Variants in PTPN14 observed in about 807,000 individuals in gnomAD.
PTPN14 encodes tyrosine-protein phosphatase non-receptor type 14.
In PTPN14, 53 loss-of-function variants were observed where a neutral mutation model predicts 126.8. The ratio of observed to expected loss-of-function variants is 0.42; its 90% confidence interval spans 0.34 to 0.53. The LOEUF is 0.53. Ranked by LOEUF, PTPN14 falls within the 20% of genes least tolerant of loss-of-function variation. The pLI is 0.08. For synonymous variants in PTPN14, 630 were observed against 599.3 expected, an observed-to-expected ratio of 1.05 and a Z score of -0.75; for missense variants, 1,257 against 1,552.9, an observed-to-expected ratio of 0.81 and a Z score of 3.20.
At chr1:214,470,350 T>C (rs572133861) in intron 1 of PTPN14, among the ~76,000 whole-genome samples, 1 of 152,226 alleles carries the variant, frequency 6.6e-6, no homozygotes, top group East Asian at 1.9e-4. Context: ...ATACTGTGAT[T>C]TTTTTCTAAT....
intron 1 of PTPN14, among the ~76,000 whole-genome samples, chr1:214,502,921 A>G (rs1654743380): frequency 6.6e-6 from 1 of 152,170 alleles, no homozygotes. Context: ...AATTAAGTGA[A>G]AAGTTGCTCA....
Position 214,523,205 on chromosome 1 carries a change from C to T in PTPN14, c.-155+27978G>A, listed in dbSNP as rs1389783524. On this transcript the variant is annotated intron_variant, in intron 1 of 18. Transcript: ENST00000366956. ...CCTGGCATCCCGAGGTCAACACAGTCTCTCGCAGAAACACATCCACTTCCC... is the reference window on the plus strand; with the variant it reads ...CCTGGCATCCCGAGGTCAACACAGTTTCTCGCAGAAACACATCCACTTCCC... Among the ~76,000 whole-genome samples, 3 of 152,260 alleles carry T rather than the reference C, an allele frequency of 2.0e-5. No individual in the cohort carries two copies. In the East Asian group the frequency reaches 5.8e-4, roughly 29 times the overall value.
chr1:214,460,559 C>G (rs1397981255), intron 2 of PTPN14, among the ~76,000 whole-genome samples: 1 of 93,874 alleles, frequency 1.1e-5, no homozygotes, highest in Admixed American at 1.0e-4. Context: ...ACACACAGAT[C>G]AGTGCAAACT....
chr1:214,378,143 T>C (rs768979811), intron 13 of PTPN14, 41 bp from the exon 14 acceptor site: 13 of 1,564,804 alleles, frequency 8.3e-6, no homozygotes, highest in South Asian at 1.2e-5. Flanking sequence ...TTTATAATAC[T>C]AGTAGAATGT....
At chr1:214,369,774 A>C in intron 16 of PTPN14, 83 bp from the exon 17 acceptor site, 1 of 1,248,004 alleles carries the variant, frequency 8.0e-7, no homozygotes, top group Non-Finnish European at 1.2e-6. Context: ...AGACAGAAGA[A>C]AATGCAAATA....
At position 214,357,814 on chromosome 1, in the gene PTPN14, T is replaced by G. The variant is rs888927631; in HGVS notation, c.*108A>C. On this transcript the variant is annotated 3_prime_UTR_variant, in exon 19 of 19. Transcript: ENST00000366956. ...GGCTACTGTCTTCAGAGAGCCTGTTTGCTGCCAGCCACCTGCACCCCTGTG... is the reference window on the plus strand; with the variant it reads ...GGCTACTGTCTTCAGAGAGCCTGTTGGCTGCCAGCCACCTGCACCCCTGTG... 1 of 881,780 alleles carries G rather than the reference T, an allele frequency of 1.1e-6. No homozygotes were observed. The highest frequency in any genetic ancestry group is 2.5e-5 in the Admixed American group (1 of 40,060). 54.6% of individuals were successfully genotyped at this position (881,780 alleles called of 1,614,324 possible).
chr1:214,533,534 TA>T (rs566782675), intron 1 of PTPN14: 26,109 of 208,108 alleles, frequency 0.13, 37 homozygotes, highest in South Asian at 0.2. Flanking sequence ...GCGGTTTAAA[TA>T]AAAAAAAAAA....
intron 1 of PTPN14, among the ~76,000 whole-genome samples, chr1:214,500,187 T>C (rs1654647275): frequency 6.6e-6 from 1 of 152,030 alleles, no homozygotes; most frequent in African/African-American, 2.4e-5. Context: ...TTCCCCCAAA[T>C]ATGTAAGACA....
chr1:214,365,936 G>A (rs554542792), intron 17 of PTPN14, among the ~76,000 whole-genome samples: 5 of 152,232 alleles, frequency 3.3e-5, no homozygotes, highest in African/African-American at 1.2e-4. Context: ...AGGCTGAGGT[G>A]GGCGGATCAC....
intron 6 of PTPN14, among the ~76,000 whole-genome samples, chr1:214,402,394 C>A (rs185084819): frequency 7.4e-6 from 1 of 134,972 alleles, no homozygotes; most frequent in Non-Finnish European, 1.5e-5. Flanking sequence ...GGACCGAGAT[C>A]GCACCACTGC....
intron 3 of PTPN14, 151 bp downstream of exon 3, chr1:214,451,654 G>A (rs1660274507): frequency 1.1e-6 from 1 of 907,110 alleles, no homozygotes; most frequent in Non-Finnish European, 1.6e-6. Context: ...AAAGCAATGA[G>A]TAAACAACCC....
At chr1:214,417,339 T>C (rs6702991) in intron 3 of PTPN14, among the ~76,000 whole-genome samples, 1,857 of 152,242 alleles carry the variant, frequency 0.012, 48 homozygotes, top group African/African-American at 0.042. Flanking sequence ...AAAAAAGGCG[T>C]CCTAATAATC....
At chr1:214,412,338 T>C (rs1370325124) in intron 4 of PTPN14, among the ~76,000 whole-genome samples, 1 of 152,216 alleles carries the variant, frequency 6.6e-6, no homozygotes, top group African/African-American at 2.4e-5. Context: ...TCTTGCTTGC[T>C]CTCCTAAAAA....
chr1:214,440,049 T>G (rs1558103204), intron 3 of PTPN14, among the ~76,000 whole-genome samples: 1 of 152,100 alleles, frequency 6.6e-6, no homozygotes, highest in Non-Finnish European at 1.5e-5. Context: ...GAGGGGAGGA[T>G]TGGCAAAGAC....
chr1:214,364,762 G>GGTGTGTGTGTGTGTGT lies in PTPN14; in HGVS notation c.3272-88_3272-87insACACACACACACACAC. The stretch of plus-strand genomic sequence containing the variant: ...GAGGGGGGAGCGGAAGAGAACTGAT[G>GGTGTGTGTGTGTGTGT]GTGAGTGTGTGTGTGTGTGTGTGTG... On this transcript the variant is annotated intron_variant, in intron 17 of 18. Coordinates refer to ENST00000366956, the MANE Select transcript of PTPN14 (RefSeq NM_005401.5). This position sits in a 1 kb window ranked among gnomAD's most constrained non-coding sequence, Gnocchi z 4.1. The GGTGTGTGTGTGTGTGT allele has an allele frequency of 1.4e-6, 1 of 714,528 alleles. No homozygotes were observed. The highest frequency in any genetic ancestry group is 2.0e-6 in the Non-Finnish European group (1 of 494,632). 44.3% of individuals were successfully genotyped at this position (714,528 alleles called of 1,614,324 possible).
chr1:214,473,383 C>T (rs1292296228), intron 1 of PTPN14, among the ~76,000 whole-genome samples: 2 of 152,222 alleles, frequency 1.3e-5, no homozygotes, highest in Non-Finnish European at 2.9e-5. Flanking sequence ...AGTTCAAATC[C>T]AAATCCTAAA....
chr1:214,401,803 TG>T, intron 6 of PTPN14, 31 bp from the exon 7 acceptor site: 3 of 1,511,428 alleles, frequency 2.0e-6, no homozygotes, highest in Non-Finnish European at 1.8e-6. Context: ...AAGGAAGAAA[TG>T]GTTAAGGGCA....
rs66656875 is a variant in PTPN14 at position 214,426,032 on chromosome 1, CAAAAAAA to C, written c.345-11313_345-11307del. ...TTTCTACAATCTGGAGCATAAATCG[CAAAAAAA>C]AAAAAAAAAAAAAAAAAAAGGAAGG... On this transcript the variant is annotated intron_variant, in intron 3 of 18. Transcript: ENST00000366956. Among the ~76,000 whole-genome samples, 6 of 33,852 alleles carry C rather than the reference CAAAAAAA, an allele frequency of 1.8e-4. No homozygotes were observed. In the South Asian group the frequency reaches 6.9e-3, roughly 39 times the overall value. 22.2% of individuals were successfully genotyped at this position (33,852 alleles called of 152,430 possible).
At chr1:214,405,450 G>A (rs1659142972) in intron 5 of PTPN14, among the ~76,000 whole-genome samples, 1 of 151,998 alleles carries the variant, frequency 6.6e-6, no homozygotes, top group African/African-American at 2.4e-5. Context: ...AGCTTATAAG[G>A]GCTAAATATA....
Sources: allele counts gnomAD v4.1 joint callset (sites outside exome capture counted in the v4.1 genomes callset), GRCh38; gene constraint gnomAD v4.1.1; non-coding constraint Gnocchi (gnomAD v3.1); transcripts MANE v1.5; gene names NCBI Gene and HGNC (gene_info 2026-07-23, HGNC 2026-07-21).